Variants in MIER1 observed in about 807,000 individuals in gnomAD.
MIER1 encodes MIER1 transcriptional regulator.
Under a neutral mutation model 75.7 loss-of-function variants are expected in MIER1, and 40 were observed. The ratio of observed to expected loss-of-function variants is 0.53; its 90% CI spans 0.41 to 0.69. The LOEUF (loss-of-function observed/expected upper bound fraction) is 0.69, where lower values mean the gene tolerates loss of function less well. Ranked by LOEUF, MIER1 falls within the 30% of genes least tolerant of loss-of-function variation. The probability of loss-of-function intolerance (pLI) is 0.00; values close to 1 mark genes in which losing one functional copy is unlikely to be tolerated. For missense variants in MIER1, 574 were observed against 680.2 expected (o/e 0.84, Z 1.74); for synonymous variants, 213 against 223.4 (o/e 0.95, Z 0.42).
intron 11 of MIER1, among the ~76,000 whole-genome samples, chr1:66,973,901 C>G (rs1664179336): frequency 6.6e-6 from 1 of 152,048 alleles, no homozygotes; most frequent in South Asian, 2.1e-4. Context: ...GTTGAAAGTA[C>G]CTGGGCTTAT....
chr1:66,983,958 T>C (rs1666400346), intron 13 of MIER1, among the ~76,000 whole-genome samples: 1 of 152,206 alleles, frequency 6.6e-6, no homozygotes, highest in African/African-American at 2.4e-5. Flanking sequence ...ACTCCTGACC[T>C]CATGATACAC....
At chr1:66,942,469 A>G (rs1656471466) in intron 3 of MIER1, among the ~76,000 whole-genome samples, 1 of 152,172 alleles carries the variant, frequency 6.6e-6, no homozygotes, top group Non-Finnish European at 1.5e-5. Context: ...GAAAAGATGT[A>G]AGGTACCTTT....
In MIER1 at chr1:66,987,130, A is replaced by T. The variant is rs1221476134; in HGVS notation, c.*2230A>T. The T allele has an allele frequency of 6.5e-6, 1 of 152,766 alleles. No homozygotes were observed. The highest frequency in any genetic ancestry group is 1.5e-5 in the Non-Finnish European group (1 of 67,988). 9.5% of individuals were successfully genotyped at this position (152,766 alleles called of 1,614,324 possible). ...ATCTTTAAAAAATACACCTAATGAA[A>T]GACATTCCACTATTATGCGTAATGC... On this transcript the variant is annotated 3_prime_UTR_variant, in exon 14 of 14. Transcript: ENST00000401041.
rs567910515 is a variant in MIER1 at position 66,966,385 on chromosome 1, A to G, written c.772+3225A>G. On this transcript the variant is annotated intron_variant, in intron 8 of 13. Transcript: ENST00000401041. ...TAAACTCCTCCTTTTTGATGGCTGC[A>G]TAGTATTCCATGGTGTATATGTGCC... 1.3e-3 allele frequency among the ~76,000 whole-genome samples: 203 copies of G among 152,308 alleles called. 8 individuals are homozygous for G. The South Asian group carries it at 0.04, about 30-fold the overall frequency.
At chr1:66,937,620 T>C (rs1655228809) in intron 2 of MIER1, among the ~76,000 whole-genome samples, 1 of 152,154 alleles carries the variant, frequency 6.6e-6, no homozygotes, top group South Asian at 2.1e-4. Flanking sequence ...TGTAGCACTA[T>C]ATGAATGTAA....
chr1:66,929,134 C>A, intron 2 of MIER1: 1 of 652,246 alleles, frequency 1.5e-6, no homozygotes, highest in Non-Finnish European at 2.7e-6. Flanking sequence ...AATAGCCTCC[C>A]CTATATTGCA....
intron 2 of MIER1, chr1:66,932,579 A>G (rs1420508571): frequency 6.6e-6 from 1 of 152,212 alleles, no homozygotes; most frequent in Non-Finnish European, 1.5e-5. Flanking sequence ...CAATTAGACA[A>G]AGGAGAAATG....
At chr1:66,962,875 C>A (rs1019707476) in intron 7 of MIER1, among the ~76,000 whole-genome samples, 1 of 152,024 alleles carries the variant, frequency 6.6e-6, no homozygotes, top group Non-Finnish European at 1.5e-5. Context: ...TTATTGTTTA[C>A]GTTGCATTTC....
chr1:66,986,084 G>T lies in MIER1; in HGVS notation c.*1184G>T. On this transcript the variant is annotated 3_prime_UTR_variant, in exon 14 of 14. Coordinates refer to ENST00000401041, the MANE Select transcript of MIER1 (RefSeq NM_001077700.3). ...GGGGGTCAAGTGATACTTAGATATT[G>T]GCACACACAAGGAACAACTGTTGGC... The T allele has an allele frequency of 1.9e-6, 2 of 1,049,512 alleles. No individual in the cohort carries two copies. The highest frequency in any genetic ancestry group is 2.3e-6 in the Non-Finnish European group (2 of 871,520). 65.0% of individuals were successfully genotyped at this position (1,049,512 alleles called of 1,614,324 possible). A position where few individuals can be genotyped will look rare whatever the true frequency, so the allele number is the denominator to read the frequency against.
chr1:66,978,128 G>T (rs186511271), intron 12 of MIER1, among the ~76,000 whole-genome samples: 1 of 151,498 alleles, frequency 6.6e-6, no homozygotes, highest in African/African-American at 2.4e-5. Context: ...CCCAGGAGGC[G>T]GAGGTTGCAG....
At chr1:66,976,769 C>T (rs144859609) in intron 12 of MIER1, 47 bp downstream of exon 12, 1 of 1,425,642 alleles carries the variant, frequency 7.0e-7, no homozygotes, top group African/African-American at 1.5e-5. Context: ...TTTTGCTAAG[C>T]TTTTCTAGAT....
rs2102179602 is a variant in MIER1, at chr1:66,987,604, T to G, written c.*2704T>G. 6.5e-6 allele frequency: 1 copy of G among 152,740 alleles called. No homozygotes were observed. The highest frequency in any genetic ancestry group is 2.4e-5 in the African/African-American group (1 of 41,586). 9.5% of individuals were successfully genotyped at this position (152,740 alleles called of 1,614,324 possible). ...TAGTAATTTTGCACTGTAAAATAAT[T>G]CCCTTCTCCCATTCCTTGTCTGCCA... On this transcript the variant is annotated 3_prime_UTR_variant, in exon 14 of 14. Transcript: ENST00000401041.
At chr1:66,948,365 T>A in intron 4 of MIER1, 1 of 372,506 alleles carries the variant, frequency 2.7e-6, no homozygotes, top group Non-Finnish European at 3.7e-6. Flanking sequence ...AATAAAGACC[T>A]ATGTCTCATA....
intron 8 of MIER1, among the ~76,000 whole-genome samples, chr1:66,968,950 A>G (rs1317263703): frequency 6.6e-6 from 1 of 152,138 alleles, no homozygotes; most frequent in African/African-American, 2.4e-5. Context: ...GGCCTTGTCT[A>G]CCCCAAAGAT....
At chr1:66,928,248 A>G (rs1344435026) in intron 2 of MIER1, among the ~76,000 whole-genome samples, 1 of 152,112 alleles carries the variant, frequency 6.6e-6, no homozygotes, top group African/African-American at 2.4e-5. Context: ...TAAGATAGAT[A>G]CCCATTCAGA....
intron 8 of MIER1, among the ~76,000 whole-genome samples, chr1:66,965,174 A>G (rs1244682591): frequency 6.6e-6 from 1 of 152,194 alleles, no homozygotes; most frequent in African/African-American, 2.4e-5. Context: ...CTGTGAACGT[A>G]TAATTGTGTG....
At chr1:66,940,812 T>C (rs1303611221) in intron 3 of MIER1, among the ~76,000 whole-genome samples, 1 of 152,166 alleles carries the variant, frequency 6.6e-6, no homozygotes, top group African/African-American at 2.4e-5. Context: ...GTTGAAGCAG[T>C]GAGGAAAGAG....
chr1:66,977,948 C>T (rs559701132), intron 12 of MIER1, among the ~76,000 whole-genome samples: 39 of 152,072 alleles, frequency 2.6e-4, no homozygotes, highest in African/African-American at 8.4e-4. Context: ...CCTGTAATCC[C>T]AGCACTTTGG....
At chr1:66,978,617 A>G (rs901406751) in intron 12 of MIER1, among the ~76,000 whole-genome samples, 2 of 152,236 alleles carry the variant, frequency 1.3e-5, no homozygotes, top group African/African-American at 4.8e-5. Context: ...TCAAGGTATT[A>G]TATAGGGAAA....
Sources: gnomAD v4.1 joint callset for allele counts (sites outside exome capture counted in the v4.1 genomes callset) on GRCh38, gnomAD v4.1.1 for gene constraint, MANE v1.5 for transcripts, NCBI Gene and HGNC (gene_info 2026-07-23, HGNC 2026-07-21) for gene names.